The following ABCG1 variants were observed in gnomAD, a reference collection of about 807,000 sequenced individuals.
ABCG1 encodes the protein ATP-binding cassette sub-family G member 1.
A neutral mutation model predicts 69.2 loss-of-function variants in ABCG1; 29 were observed. That is an observed-to-expected ratio of 0.42 (90% confidence interval 0.31 to 0.57). The LOEUF is 0.57. ABCG1 is among the 20% of genes least tolerant of loss of function. The pLI is 0.15. For synonymous variants in ABCG1, 370 were observed against 374.8 expected, an observed-to-expected ratio of 0.99 and a Z score of 0.15; for missense variants, 718 against 898.1, an observed-to-expected ratio of 0.80 and a Z score of 2.56.
Position 42,288,035 on chromosome 21 carries a change from G to A in ABCG1, c.1120G>A (p.Glu374Lys). 1.2e-6 allele frequency: 2 copies of A among 1,608,426 alleles called. No homozygotes were observed. Among genetic ancestry groups the A allele is most frequent in the Non-Finnish European group, 1.7e-6 (2 of 1,176,656 alleles). The change falls in exon 9 of 15, where the codon GAG becomes AAG. Residue 374 changes from glutamate (E) to lysine (K), a missense_variant and splice_region_variant. Glu to Lys is a moderately conservative substitution (Grantham distance 56). Transcript: ENST00000398449. This position sits in a 1 kb window ranked among gnomAD's most constrained non-coding sequence, Gnocchi z 4.8. ...TTTTCTTTGGCACCGGCCCTCTGAA[G>A]AGGTAAAGCAGACAAAACGATTAAA... is the stretch of plus-strand genomic sequence containing the variant. ...NPFLWHRPSE[E>K]DSSSMEGCHS...
intron 1 of ABCG1, among the ~76,000 whole-genome samples, chr21:42,201,425 C>T (rs997873220): frequency 7.2e-5 from 11 of 152,150 alleles, no homozygotes; most frequent in South Asian, 2.1e-4. Flanking sequence ...CCTCGCTTGC[C>T]GCTCACCTCC....
upstream of ABCG1, among the ~76,000 whole-genome samples, chr21:42,214,990 G>A (rs191355395): frequency 1.3e-4 from 20 of 152,278 alleles, no homozygotes; most frequent in African/African-American, 2.9e-4. Flanking sequence ...AGATGTCCCC[G>A]GCCACACAGT....
chr21:42,280,327 A>G (rs2068785698), intron 5 of ABCG1, among the ~76,000 whole-genome samples: 1 of 152,176 alleles, frequency 6.6e-6, no homozygotes, highest in Non-Finnish European at 1.5e-5. Context: ...AGATCATGGA[A>G]TTTTTGCTGT....
upstream of ABCG1, among the ~76,000 whole-genome samples, chr21:42,212,070 A>G (rs1414121198): frequency 6.6e-6 from 1 of 152,170 alleles, no homozygotes; most frequent in African/African-American, 2.4e-5. Flanking sequence ...CCTATGAGGA[A>G]CAGGCCTCCA....
intron 2 of ABCG1, among the ~76,000 whole-genome samples, chr21:42,268,242 G>A (rs1252988433): frequency 1.3e-5 from 2 of 152,228 alleles, no homozygotes; most frequent in African/African-American, 2.4e-5. Context: ...GCAGAGCTCA[G>A]GGGTGGGAAA....
chr21:42,254,299 C>T (rs1047257056), intron 2 of ABCG1, among the ~76,000 whole-genome samples: 4 of 152,208 alleles, frequency 2.6e-5, no homozygotes, highest in South Asian at 2.1e-4. Flanking sequence ...CGAAATCCAG[C>T]GGCAGATTTT....
intron 7 of ABCG1, among the ~76,000 whole-genome samples, chr21:42,284,885 C>G (rs887927478): frequency 6.6e-6 from 1 of 151,692 alleles, no homozygotes; most frequent in African/African-American, 2.4e-5. Context: ...CCTTCTGTTA[C>G]CTCGTGGGAT....
chr21:42,282,112 A>T (rs2068820834), intron 5 of ABCG1, among the ~76,000 whole-genome samples, 162 bp from the exon 6 acceptor site: 1 of 152,212 alleles, frequency 6.6e-6, no homozygotes. Context: ...CCCACTTGGC[A>T]CTGGGCAGCC....
intron 2 of ABCG1, among the ~76,000 whole-genome samples, chr21:42,251,390 CAG>C (rs1348993024): frequency 6.6e-6 from 1 of 152,168 alleles, no homozygotes; most frequent in African/African-American, 2.4e-5. Context: ...AATGAGATAA[CAG>C]AGGCTCAGCG....
chr21:42,284,947 G>A (rs1205228791), intron 7 of ABCG1, among the ~76,000 whole-genome samples: 1 of 152,134 alleles, frequency 6.6e-6, no homozygotes, highest in African/African-American at 2.4e-5. Context: ...TAGCTCGTGG[G>A]GTGTCTTCAT....
chr21:42,264,073 T>A (rs1009166640), intron 2 of ABCG1, among the ~76,000 whole-genome samples: 2 of 152,198 alleles, frequency 1.3e-5, no homozygotes, highest in African/African-American at 4.8e-5. Flanking sequence ...GTGACAGAGC[T>A]GGAAGCAGAA....
At position 42,291,699 on chromosome 21, in the gene ABCG1, C is replaced by A. The variant is rs774011866; in HGVS notation, c.1653+43C>A. The A allele has an allele frequency of 1.3e-6, 2 of 1,541,756 alleles. No individual in the cohort carries two copies. Among genetic ancestry groups the A allele is most frequent in the Non-Finnish European group, 8.7e-7 (1 of 1,148,710 alleles). On this transcript the variant is annotated intron_variant, in intron 13 of 14. Transcript: ENST00000398449. The surrounding 1 kb of genome is among the most constrained non-coding windows in gnomAD (Gnocchi z 6.4). Reference sequence around the variant, plus strand: ...GCTAAGTGAGGGCATGACGGCTGGGCTTCCCTGAGCTACCTTGGCCTGAGC... The same window carrying A: ...GCTAAGTGAGGGCATGACGGCTGGGATTCCCTGAGCTACCTTGGCCTGAGC...
chr21:42,255,317 A>G (rs924928423), intron 2 of ABCG1, among the ~76,000 whole-genome samples: 1 of 152,162 alleles, frequency 6.6e-6, no homozygotes, highest in Admixed American at 6.5e-5. Context: ...TAGTGTGTAC[A>G]TGGTGTGTCT....
intron 10 of ABCG1, 40 bp from the exon 11 acceptor site, chr21:42,290,010 C>T (rs1343282806): frequency 5.0e-6 from 8 of 1,613,878 alleles, no homozygotes; most frequent in South Asian, 1.1e-5. Flanking sequence ...CCGAGGACGG[C>T]TTTGCGAACG....
intron 3 of ABCG1, among the ~76,000 whole-genome samples, chr21:42,272,970 C>T (rs1431596847): frequency 1.3e-5 from 2 of 152,216 alleles, no homozygotes; most frequent in African/African-American, 2.4e-5. Flanking sequence ...ATCCTGACCT[C>T]GCGGCTGCTT....
At chr21:42,221,057 T>G (rs779472792) in intron 1 of ABCG1, 1 of 152,204 alleles carries the variant, frequency 6.6e-6, no homozygotes, top group African/African-American at 2.4e-5. Context: ...TGTCTTGTTA[T>G]CACGTGGAGA....
chr21:42,255,311 G>C (rs142049890), intron 2 of ABCG1, among the ~76,000 whole-genome samples: 6 of 152,146 alleles, frequency 3.9e-5, no homozygotes, highest in African/African-American at 1.4e-4. Context: ...ATATGATAGT[G>C]TGTACATGGT....
rs543052184 is a variant in ABCG1, at chr21:42,225,779, G to A, written c.151G>A (p.Gly51Arg). 207 of 1,614,034 alleles carry A rather than the reference G, an allele frequency of 1.3e-4. 3 individuals carry two copies. In the South Asian group the frequency reaches 2.1e-3, roughly 16 times the overall value. Residue 51 changes from glycine to arginine, a missense_variant, in exon 2 of 15, where the codon GGA becomes AGA. Gly to Arg is a moderately radical substitution (Grantham distance 125). This residue lies in a region of ABCG1 where 514 missense variants were observed against 574.3 expected (regional missense o/e 0.90). Transcript: ENST00000398449. ...GGCCACTGAGACGGACCTGCTGAAT[G>A]GACATCTGAAAAAAGTAGATAATAA... ...MEATETDLLN[G>R]HLKKVDNNLT... is the part of the protein sequence containing the mutation.
chr21:42,255,466 G>A (rs776381546), intron 2 of ABCG1, among the ~76,000 whole-genome samples: 11 of 152,290 alleles, frequency 7.2e-5, no homozygotes, highest in Non-Finnish European at 1.3e-4. Flanking sequence ...GTGCATGCGC[G>A]TGTGCCTGTG....
Sources: allele counts gnomAD v4.1 joint callset (sites outside exome capture counted in the v4.1 genomes callset), GRCh38; gene constraint gnomAD v4.1.1; regional missense constraint gnomAD v4.1.1; non-coding constraint Gnocchi (gnomAD v3.1); transcripts MANE v1.5; gene names NCBI Gene and HGNC (gene_info 2026-07-23, HGNC 2026-07-21).